Variants in ASTN1 observed in about 807,000 individuals in gnomAD.
The protein encoded by ASTN1 is astrotactin 1.
Under a neutral mutation model 140.7 loss-of-function variants are expected in ASTN1, and 41 were observed. The observed-to-expected ratio is 0.29, with a 90% CI of 0.23 to 0.38. The LOEUF (loss-of-function observed/expected upper bound fraction) is 0.38. Ranked by LOEUF, ASTN1 falls within the 10% of genes least tolerant of loss-of-function variation. The pLI, the probability that ASTN1 is intolerant of heterozygous loss-of-function variation, is 1.00. For synonymous variants in ASTN1, 640 were observed against 652.2 expected, an observed-to-expected ratio of 0.98 and a Z score of 0.29; for missense variants, 1,479 against 1,678.8, an observed-to-expected ratio of 0.88 and a Z score of 2.08.
intron 20 of ASTN1, among the ~76,000 whole-genome samples, chr1:176,880,935 T>C (rs1668768215): frequency 6.6e-6 from 1 of 152,230 alleles, no homozygotes; most frequent in South Asian, 2.1e-4. Flanking sequence ...ACTCCATTAA[T>C]GAAGGCCGCC....
chr1:176,958,740 A>C (rs1002316360), intron 9 of ASTN1, among the ~76,000 whole-genome samples: 1 of 152,216 alleles, frequency 6.6e-6, no homozygotes, highest in Non-Finnish European at 1.5e-5. Context: ...AGTCATAAAA[A>C]GCAAGTTCCA....
chr1:176,897,064 C>G (rs952694125), intron 16 of ASTN1, among the ~76,000 whole-genome samples: 29 of 152,104 alleles, frequency 1.9e-4, no homozygotes, highest in African/African-American at 6.5e-4. Context: ...ATCACGAAGT[C>G]AAGAGTTCGA....
At chr1:176,976,327 T>C (rs1304235000) in intron 8 of ASTN1, 1 of 152,208 alleles carries the variant, frequency 6.6e-6, no homozygotes, top group Non-Finnish European at 1.5e-5. Context: ...AGCATTTTCT[T>C]TGTGGGTAGG....
chr1:176,892,297 A>G (rs1010304927), intron 17 of ASTN1, among the ~76,000 whole-genome samples: 7 of 152,358 alleles, frequency 4.6e-5, no homozygotes, highest in African/African-American at 7.2e-5. Context: ...TAGGGAGACC[A>G]GTGAGAAGAT....
At chr1:177,023,346 T>C (rs1675922823) in intron 7 of ASTN1, 58 bp downstream of exon 7, 1 of 1,510,416 alleles carries the variant, frequency 6.6e-7, no homozygotes, top group Non-Finnish European at 8.9e-7. Flanking sequence ...TTCAAGGGAG[T>C]GATTGCAAGA....
At chr1:176,894,469 C>G in intron 17 of ASTN1, 93 bp downstream of exon 17, 1 of 1,482,618 alleles carries the variant, frequency 6.7e-7, no homozygotes, top group Non-Finnish European at 9.1e-7. Context: ...TCTAGCATGG[C>G]CCTCAACCAC....
chr1:177,078,705 G>A (rs1319475850), intron 1 of ASTN1, among the ~76,000 whole-genome samples: 4 of 152,150 alleles, frequency 2.6e-5, no homozygotes, highest in South Asian at 2.1e-4. Context: ...CACCAACAAC[G>A]TCAAACCACA....
intron 1 of ASTN1, among the ~76,000 whole-genome samples, chr1:177,155,449 C>A (rs1054051026): frequency 6.6e-6 from 1 of 152,108 alleles, no homozygotes; most frequent in Non-Finnish European, 1.5e-5. Context: ...GTATGAACAA[C>A]CTCACTGGAA....
intron 1 of ASTN1, among the ~76,000 whole-genome samples, chr1:177,147,596 G>A (rs977953713): frequency 6.6e-6 from 1 of 152,046 alleles, no homozygotes; most frequent in African/African-American, 2.4e-5. Context: ...AGAATTAGAG[G>A]GAAAAATGAA....
downstream of ASTN1, chr1:176,857,453 C>A: frequency 2.5e-6 from 1 of 406,810 alleles, no homozygotes; most frequent in Non-Finnish European, 4.4e-6. Context: ...CAAATAGGAG[C>A]AACCTATCAG....
chr1:177,108,208 G>A (rs1680640655), intron 1 of ASTN1, among the ~76,000 whole-genome samples: 1 of 151,854 alleles, frequency 6.6e-6, no homozygotes, highest in Non-Finnish European at 1.5e-5. Flanking sequence ...AATTAGCTGG[G>A]CGTGGTGGTG....
intron 16 of ASTN1, among the ~76,000 whole-genome samples, chr1:176,909,512 T>C (rs1670139290): frequency 6.6e-6 from 1 of 152,240 alleles, no homozygotes; most frequent in South Asian, 2.1e-4. Flanking sequence ...CTGATCATCC[T>C]GAGCTTTAGC....
At chr1:177,048,801 A>G (rs1430109343) in intron 2 of ASTN1, among the ~76,000 whole-genome samples, 2 of 152,222 alleles carry the variant, frequency 1.3e-5, no homozygotes, top group Non-Finnish European at 2.9e-5. Context: ...GGAGACACAG[A>G]GGAGCAGAGC....
Position 176,864,389 on chromosome 1 carries a change from G to T in ASTN1, c.3780C>A (p.Pro1260=). 2 of 1,614,074 alleles carry T rather than the reference G, an allele frequency of 1.2e-6. No individual in the cohort carries two copies. The highest frequency in any genetic ancestry group is 1.7e-6 in the Non-Finnish European group (2 of 1,180,002). Residue 1260 remains proline, a synonymous_variant, in exon 23 of 23, where the codon CCC becomes CCA. Transcript: ENST00000361833. ...TGAGCTCCGCCCAGTCAAGTCCGTA[G>T]GGTTTGATCTCGCTGTAGCGGCACC... ...YLGCRYSEIK[P]YGLDWAELSR... is the part of the protein sequence containing the mutation.
At chr1:177,019,024 G>T (rs180757500) in intron 7 of ASTN1, among the ~76,000 whole-genome samples, 64 of 152,192 alleles carry the variant, frequency 4.2e-4, no homozygotes, top group Non-Finnish European at 1.5e-4. Flanking sequence ...GGGCTCTGCT[G>T]CAGCCACATA....
intron 1 of ASTN1, among the ~76,000 whole-genome samples, chr1:177,098,129 G>C (rs748884336): frequency 1.2e-4 from 18 of 152,172 alleles, no homozygotes; most frequent in Non-Finnish European, 4.4e-5. Context: ...AAATTTACAG[G>C]CATTTGGTCA....
intron 1 of ASTN1, among the ~76,000 whole-genome samples, chr1:177,127,550 C>T (rs988821296): frequency 2.0e-5 from 3 of 152,188 alleles, no homozygotes; most frequent in African/African-American, 7.2e-5. Flanking sequence ...TGCTATCTTT[C>T]CACTCTGGCT....
chr1:176,895,337 G>A (rs915665491), intron 16 of ASTN1, among the ~76,000 whole-genome samples: 1 of 152,180 alleles, frequency 6.6e-6, no homozygotes, highest in Non-Finnish European at 1.5e-5. Flanking sequence ...ATAAAAGTGA[G>A]ATCCATTCAA....
chr1:177,025,125 G>A (rs981310323), intron 5 of ASTN1, among the ~76,000 whole-genome samples: 2 of 152,182 alleles, frequency 1.3e-5, no homozygotes, highest in Admixed American at 6.5e-5. Flanking sequence ...TTCACAGAGG[G>A]CATTCTGCAC....
Sources: allele counts gnomAD v4.1 joint callset (sites outside exome capture counted in the v4.1 genomes callset), GRCh38; gene constraint gnomAD v4.1.1; transcripts MANE v1.5; gene names NCBI Gene and HGNC (gene_info 2026-07-23, HGNC 2026-07-21).